Variants in GRM7 observed in about 807,000 individuals in gnomAD.
GRM7 encodes glutamate metabotropic receptor 7.
A neutral mutation model predicts 84.5 loss-of-function variants in GRM7; 35 were observed. The observed-to-expected ratio is 0.41, with a 90% CI of 0.32 to 0.55. The LOEUF (loss-of-function observed/expected upper bound fraction) is 0.55, where lower values mean the gene tolerates loss of function less well. Among genes scored for constraint, GRM7 ranks in the 20% least tolerant of loss-of-function variants. The pLI is 0.19. For missense variants in GRM7, 1,003 were observed against 1,194.6 expected (o/e 0.84, Z 2.36); for synonymous variants, 487 against 455.1 (o/e 1.07, Z -0.89).
At chr3:7,113,702 G>T (rs538043406) in intron 1 of GRM7, among the ~76,000 whole-genome samples, 2 of 152,088 alleles carry the variant, frequency 1.3e-5, no homozygotes, top group Admixed American at 6.6e-5. Context: ...TTAAATAATG[G>T]TGCATCTTAT....
chr3:7,732,986 G>A (rs1702381479), intron 9 of GRM7, among the ~76,000 whole-genome samples: 2 of 152,192 alleles, frequency 1.3e-5, no homozygotes, highest in Non-Finnish European at 2.9e-5. Flanking sequence ...ACCATATAGA[G>A]TAACCTCCTG....
intron 1 of GRM7, among the ~76,000 whole-genome samples, chr3:7,116,707 A>G (rs1693045518): frequency 6.6e-6 from 1 of 152,186 alleles, no homozygotes; most frequent in Admixed American, 6.6e-5. Context: ...TCAAAATCTA[A>G]ACCTTCCCTT....
intron 1 of GRM7, among the ~76,000 whole-genome samples, chr3:7,117,040 A>T (rs771173673): frequency 5.9e-5 from 9 of 152,160 alleles, no homozygotes; most frequent in Non-Finnish European, 1.2e-4. Context: ...TTAGGAGTAG[A>T]TTGGGAAGTG....
chr3:7,601,402 G>T (rs1696307030), intron 8 of GRM7, among the ~76,000 whole-genome samples: 1 of 152,016 alleles, frequency 6.6e-6, no homozygotes, highest in South Asian at 2.1e-4. Context: ...GGTTCTATCT[G>T]GCTGTGTTCA....
At chr3:7,010,352 G>A (rs560275311) in intron 1 of GRM7, among the ~76,000 whole-genome samples, 121 of 152,292 alleles carry the variant, frequency 7.9e-4, no homozygotes, top group Admixed American at 3.9e-3. Flanking sequence ...TACTCAGGAG[G>A]CAGGGGCACA....
chr3:7,395,011 C>G (rs1170047400), intron 4 of GRM7, among the ~76,000 whole-genome samples: 1 of 147,498 alleles, frequency 6.8e-6, no homozygotes, highest in Non-Finnish European at 1.5e-5. Context: ...GCACTCCAGC[C>G]TGAGCAACAA....
chr3:7,022,335 A>T lies in GRM7; in HGVS notation c.520-124117A>T, dbSNP rs530592941. Among the ~76,000 whole-genome samples, 259 of 150,542 alleles carry T rather than the reference A, an allele frequency of 1.7e-3. 3 individuals carry two copies. Among genetic ancestry groups the T allele is most frequent in the Admixed American group, 4.1e-3 (62 of 15,096 alleles). On this transcript the variant is annotated intron_variant, in intron 1 of 9. Coordinates refer to ENST00000357716, the MANE Select transcript of GRM7 (RefSeq NM_000844.4). ...GTGAGACTCTGGCTCAGAAAAAAAA[A>T]AATAATAAAATATATATATATACAC...
At chr3:7,344,640 A>G (rs1032308117) in intron 4 of GRM7, among the ~76,000 whole-genome samples, 6 of 152,194 alleles carry the variant, frequency 3.9e-5, no homozygotes, top group Admixed American at 1.3e-4. Flanking sequence ...AAGAACCTGG[A>G]GTGCATTACA....
chr3:6,881,955 A>G (rs76544109), intron 1 of GRM7, among the ~76,000 whole-genome samples: 13 of 109,502 alleles, frequency 1.2e-4, no homozygotes, highest in Admixed American at 8.7e-4. Context: ...GTGTGTGTGT[A>G]TTAGTATGAG....
At chr3:6,919,096 A>G (rs1697034167) in intron 1 of GRM7, among the ~76,000 whole-genome samples, 1 of 152,206 alleles carries the variant, frequency 6.6e-6, no homozygotes, top group Admixed American at 6.5e-5. Flanking sequence ...TTTTGAATCA[A>G]TGGAAAATTC....
At chr3:7,016,042 A>C (rs552396441) in intron 1 of GRM7, among the ~76,000 whole-genome samples, 2 of 152,366 alleles carry the variant, frequency 1.3e-5, no homozygotes, top group Admixed American at 6.5e-5. Context: ...CAAAGACTAC[A>C]GTAAAGAATT....
At chr3:7,029,800 A>G (rs528718984) in intron 1 of GRM7, among the ~76,000 whole-genome samples, 1 of 152,224 alleles carries the variant, frequency 6.6e-6, no homozygotes, top group African/African-American at 2.4e-5. Flanking sequence ...ATGGTTACGC[A>G]ATCGTGCTAA....
chr3:7,335,947 T>G lies in GRM7; in HGVS notation c.1033+29295T>G, dbSNP rs150860791. Among the ~76,000 whole-genome samples the G allele has an allele frequency of 9.3e-3, 1,409 of 152,118 alleles. 12 individuals carry two copies. Among genetic ancestry groups the G allele is most frequent in the Admixed American group, 0.027 (411 of 15,268 alleles). On this transcript the variant is annotated intron_variant, in intron 4 of 9. Transcript: ENST00000357716. ...AAAAAAAGGTCTAGGACCAGATGGA[T>G]TCACAGCTGAATTCTATCAGACATT...
intron 7 of GRM7, among the ~76,000 whole-genome samples, chr3:7,509,678 A>G (rs969735023): frequency 3.9e-5 from 6 of 152,160 alleles, no homozygotes; most frequent in African/African-American, 1.2e-4. Context: ...CCCAGTAACA[A>G]TGTTTCTTTA....
intron 1 of GRM7, among the ~76,000 whole-genome samples, chr3:7,011,870 A>G (rs1449465360): frequency 6.6e-6 from 1 of 152,194 alleles, no homozygotes; most frequent in Non-Finnish European, 1.5e-5. Context: ...TTGAGCTCCT[A>G]CAAAAGCCTT....
At chr3:7,576,754 T>C (rs1694981611) in intron 7 of GRM7, among the ~76,000 whole-genome samples, 1 of 152,242 alleles carries the variant, frequency 6.6e-6, no homozygotes, top group African/African-American at 2.4e-5. Flanking sequence ...GGAATTATTC[T>C]GTATAATAAC....
At chr3:7,055,299 T>A (rs1163098056) in intron 1 of GRM7, among the ~76,000 whole-genome samples, 1 of 151,812 alleles carries the variant, frequency 6.6e-6, no homozygotes, top group Non-Finnish European at 1.5e-5. Flanking sequence ...ATAACTATTC[T>A]TAAGTTTCCA....
chr3:7,239,147 G>T (rs1385151426), intron 2 of GRM7, among the ~76,000 whole-genome samples: 1 of 151,828 alleles, frequency 6.6e-6, no homozygotes, highest in African/African-American at 2.4e-5. Flanking sequence ...CTACAGGCAT[G>T]TGTCACCATT....
chr3:7,496,612 G>A (rs192523438), intron 7 of GRM7, among the ~76,000 whole-genome samples: 45 of 152,192 alleles, frequency 3.0e-4, no homozygotes, highest in Admixed American at 3.9e-4. Flanking sequence ...TAAAATATTC[G>A]TAACATGGAA....
Sources: allele counts gnomAD v4.1 joint callset (sites outside exome capture counted in the v4.1 genomes callset), GRCh38; gene constraint gnomAD v4.1.1; transcripts MANE v1.5; gene names NCBI Gene and HGNC (gene_info 2026-07-23, HGNC 2026-07-21).